Variants in FGD4 observed in about 807,000 individuals in gnomAD.
FGD4 encodes the protein FYVE, RhoGEF and PH domain containing 4.
Under a neutral mutation model 102.0 loss-of-function variants are expected in FGD4, and 42 were observed. The observed-to-expected ratio is 0.41, with a 90% confidence interval of 0.32 to 0.53. FGD4 has a LOEUF of 0.53. Ranked by LOEUF, FGD4 falls within the 20% of genes least tolerant of loss-of-function variation. FGD4 has a pLI of 0.21. For missense variants in FGD4, 902 were observed against 1,078.2 expected, an observed-to-expected ratio of 0.84 and a Z score of 2.29; for synonymous variants, 380 against 375.7, an observed-to-expected ratio of 1.01 and a Z score of -0.13.
chr12:32,614,875 A>C (rs1949355746), intron 10 of FGD4, among the ~76,000 whole-genome samples: 1 of 152,168 alleles, frequency 6.6e-6, no homozygotes, highest in Non-Finnish European at 1.5e-5. Flanking sequence ...TTTTTCTTTT[A>C]ATTCCATTTT....
chr12:32,549,118 G>GT (rs962062244), intron 1 of FGD4, among the ~76,000 whole-genome samples: 26 of 152,302 alleles, frequency 1.7e-4, no homozygotes, highest in African/African-American at 4.3e-4. Context: ...AGTTAAGCAG[G>GT]TTTTTTTCTA....
chr12:32,465,506 GAAAATACAAAAATT>G (rs1422908184), intron 1 of FGD4, among the ~76,000 whole-genome samples: 2 of 151,712 alleles, frequency 1.3e-5, no homozygotes, highest in South Asian at 4.2e-4. Context: ...CGTCTCTACT[GAAAATACAAAAATT>G]AGCTGGGCGT....
Position 32,576,320 on chromosome 12 carries a change from C to G in FGD4, c.374C>G (p.Thr125Ser). 1.2e-6 allele frequency: 2 copies of G among 1,613,760 alleles called. No individual in the cohort carries two copies. Among genetic ancestry groups the G allele is most frequent in the South Asian group, 1.1e-5 (1 of 91,010 alleles). Residue 125 changes from threonine (T) to serine (S), a missense_variant, in exon 3 of 17, where the codon ACC becomes AGC. Physicochemically the swap from Thr to Ser is moderately conservative, Grantham distance 58. Around this residue, in one of 2 missense-constraint regions of FGD4, gnomAD observed 443 missense variants for 459.2 expected, o/e 0.96. Transcript: ENST00000534526. ...TCACCTTCGTCCAATATACACCAAACCCCCAGGCATAAAGCTTTACCTAGT... is the reference window on the plus strand; with the variant it reads ...TCACCTTCGTCCAATATACACCAAAGCCCCAGGCATAAAGCTTTACCTAGT... The part of the protein sequence containing the change: ...QNSPSSNIHQ[T>S]PRHKALPSAK...
chr12:32,627,513 G>T (rs940065289), intron 14 of FGD4, among the ~76,000 whole-genome samples: 4 of 152,174 alleles, frequency 2.6e-5, no homozygotes, highest in Non-Finnish European at 5.9e-5. Flanking sequence ...TCAGTTGAAA[G>T]TTAAGGGGAA....
intron 1 of FGD4, among the ~76,000 whole-genome samples, chr12:32,439,905 G>T (rs1942371242): frequency 6.6e-6 from 1 of 151,754 alleles, no homozygotes; most frequent in African/African-American, 2.4e-5. Context: ...CTATCTTCAG[G>T]CTCACTAATT....
At chr12:32,615,518 A>C (rs1949393371) in intron 10 of FGD4, among the ~76,000 whole-genome samples, 1 of 152,204 alleles carries the variant, frequency 6.6e-6, no homozygotes, top group South Asian at 2.1e-4. Flanking sequence ...TGTGCTAAAC[A>C]CAAGTACTTC....
At chr12:32,579,890 TATTCCCTGTTTC>T (rs988858932) in intron 3 of FGD4, among the ~76,000 whole-genome samples, 31 of 152,188 alleles carry the variant, frequency 2.0e-4, no homozygotes, top group Non-Finnish European at 7.3e-5. Context: ...TGTTTACTTT[TATTCCCTGTTTC>T]ATTCTCCAGT....
Position 32,566,995 on chromosome 12 carries a change from G to T in FGD4, c.319+2706G>T, listed in dbSNP as rs141481652. ...TCTGCCTTTCTTCCTGGTCCAGGGC[G>T]TGTAGCCCTCCTGTGCAAATAACTC... On this transcript the variant is annotated intron_variant, in intron 2 of 16. Transcript: ENST00000534526. Among the ~76,000 whole-genome samples the T allele has an allele frequency of 1.9e-3, 284 of 152,314 alleles. 1 individual carries two copies. Among genetic ancestry groups the T allele is most frequent in the Non-Finnish European group, 3.1e-3 (211 of 68,022 alleles).
At position 32,453,225 on chromosome 12, in the gene FGD4, A is replaced by ATATATTT. The variant is rs1565749165; in HGVS notation, c.166+53266_166+53267insTATATTT. ...TTATATATATATATATATATAATAT[A>ATATATTT]GATATATATATATTTTTTTTTTTTT... is the stretch of plus-strand genomic sequence containing the variant. On this transcript the variant is annotated intron_variant, in intron 1 of 16. Coordinates refer to ENST00000534526, the MANE Select transcript of FGD4 (RefSeq NM_001370298.3). 6.7e-5 allele frequency among the ~76,000 whole-genome samples: 5 copies of ATATATTT among 74,884 alleles called. No homozygotes were observed. In the South Asian group the frequency reaches 2.3e-3, roughly 35 times the overall value. 49.1% of individuals were successfully genotyped at this position (74,884 alleles called of 152,430 possible).
intron 1 of FGD4, among the ~76,000 whole-genome samples, chr12:32,435,568 C>T (rs1033463866): frequency 3.3e-5 from 5 of 149,566 alleles, no homozygotes; most frequent in African/African-American, 5.0e-5. Flanking sequence ...TTCCATCATT[C>T]GAACTTATTT....
intron 4 of FGD4, among the ~76,000 whole-genome samples, chr12:32,587,445 C>T (rs868521084): frequency 3.9e-5 from 6 of 152,048 alleles, no homozygotes; most frequent in South Asian, 2.1e-4. Flanking sequence ...GGCTGGAGTG[C>T]GGTGACGCTA....
intron 12 of FGD4, 46 bp downstream of exon 12, chr12:32,624,498 CAG>C: frequency 2.1e-6 from 3 of 1,414,900 alleles, no homozygotes; most frequent in Non-Finnish European, 2.9e-6. Context: ...TTTTTTGAGG[CAG>C]AGTCTCACTC....
At chr12:32,610,941 A>G (rs1949097679) in intron 9 of FGD4, 107 bp downstream of exon 9, 5 of 1,329,978 alleles carry the variant, frequency 3.8e-6, no homozygotes, top group Admixed American at 3.7e-5. Flanking sequence ...TAGATGAGCC[A>G]AAAAGAATGT....
intron 12 of FGD4, 49 bp downstream of exon 12, chr12:32,624,501 A>G (rs759247612): frequency 6.9e-7 from 1 of 1,439,196 alleles, no homozygotes; most frequent in East Asian, 2.4e-5. Flanking sequence ...TTTGAGGCAG[A>G]GTCTCACTCT....
At chr12:32,444,281 C>G (rs1942544376) in intron 1 of FGD4, among the ~76,000 whole-genome samples, 1 of 152,060 alleles carries the variant, frequency 6.6e-6, no homozygotes, top group Non-Finnish European at 1.5e-5. Context: ...CCTTGGCTTC[C>G]CAAAGTGCTG....
chr12:32,598,093 C>A (rs1301754760), intron 4 of FGD4, among the ~76,000 whole-genome samples: 1 of 151,756 alleles, frequency 6.6e-6, no homozygotes, highest in Non-Finnish European at 1.5e-5. Context: ...TGCGGCTGGC[C>A]TAATAAAATA....
intron 3 of FGD4, among the ~76,000 whole-genome samples, chr12:32,577,174 TTA>T (rs765857258): frequency 2.7e-5 from 4 of 147,906 alleles, no homozygotes; most frequent in Non-Finnish European, 6.1e-5. Flanking sequence ...TCTCAATTGT[TTA>T]TTTTTTCTTA....
At chr12:32,478,654 G>A (rs1291025329) in intron 1 of FGD4, among the ~76,000 whole-genome samples, 2 of 152,188 alleles carry the variant, frequency 1.3e-5, no homozygotes, top group Non-Finnish European at 1.5e-5. Context: ...TTAGTTGCTT[G>A]TAGTTTTACT....
intron 1 of FGD4, among the ~76,000 whole-genome samples, chr12:32,472,524 T>C (rs949223582): frequency 1.3e-5 from 2 of 152,234 alleles, no homozygotes; most frequent in African/African-American, 2.4e-5. Context: ...TGGCTGCCTT[T>C]CCACGGGGCA....
Sources: allele counts gnomAD v4.1 joint callset (sites outside exome capture counted in the v4.1 genomes callset), GRCh38; gene constraint gnomAD v4.1.1; regional missense constraint gnomAD v4.1.1; transcripts MANE v1.5; gene names NCBI Gene and HGNC (gene_info 2026-07-23, HGNC 2026-07-21).